CNTN4: variants seen among roughly 807,000 people sequenced by gnomAD.
The protein encoded by CNTN4 is contactin 4.
In CNTN4, 77 loss-of-function variants were observed where a neutral mutation model predicts 122.5. The observed-to-expected ratio is 0.63, with a 90% CI of 0.52 to 0.76. The LOEUF is 0.76. Among genes scored for constraint, CNTN4 ranks in the 30% least tolerant of loss-of-function variants. The pLI is 0.00. For synonymous variants in CNTN4, 512 were observed against 447.0 expected, an observed-to-expected ratio of 1.15 and a Z score of -1.83; for missense variants, 1,256 against 1,259.1, an observed-to-expected ratio of 1.00 and a Z score of 0.04.
At chr3:2,594,270 C>T (rs1195158330) in intron 4 of CNTN4, among the ~76,000 whole-genome samples, 1 of 152,010 alleles carries the variant, frequency 6.6e-6, no homozygotes, top group Non-Finnish European at 1.5e-5. Context: ...ATTAAGATCC[C>T]TTGAGGCCAA....
chr3:2,775,930 C>T (rs1181577929), intron 6 of CNTN4, among the ~76,000 whole-genome samples: 1 of 152,182 alleles, frequency 6.6e-6, no homozygotes, highest in East Asian at 1.9e-4. Context: ...ATGCAGTTAA[C>T]ATATATTTGT....
chr3:2,548,658 G>T (rs1304531453), intron 3 of CNTN4, among the ~76,000 whole-genome samples: 2 of 152,042 alleles, frequency 1.3e-5, no homozygotes, highest in Non-Finnish European at 2.9e-5. Context: ...GGTTATATGG[G>T]CTCTTTTTTT....
At chr3:2,573,101 G>A (rs1175932646) in intron 4 of CNTN4, among the ~76,000 whole-genome samples, 1 of 152,178 alleles carries the variant, frequency 6.6e-6, no homozygotes, top group African/African-American at 2.4e-5. Flanking sequence ...GAGCTAAGAT[G>A]TAAACCGAAG....
chr3:2,438,502 A>G (rs1433578903), intron 3 of CNTN4, among the ~76,000 whole-genome samples: 3 of 152,210 alleles, frequency 2.0e-5, no homozygotes, highest in Non-Finnish European at 4.4e-5. Flanking sequence ...AGCCCAGGTG[A>G]AAGAGTGAGA....
At chr3:2,212,210 A>G (rs889773899) in intron 2 of CNTN4, among the ~76,000 whole-genome samples, 3 of 152,022 alleles carry the variant, frequency 2.0e-5, no homozygotes, top group African/African-American at 7.2e-5. Flanking sequence ...CCTAACCTCA[A>G]GTAATCCTCC....
At chr3:2,159,866 C>A (rs2035884537) in intron 2 of CNTN4, among the ~76,000 whole-genome samples, 8 of 151,342 alleles carry the variant, frequency 5.3e-5, no homozygotes, top group Admixed American at 5.3e-4. Flanking sequence ...CTTTAACAAA[C>A]CTTGCCCTCA....
In CNTN4 at chr3:2,916,312, C is replaced by G. The variant is rs1049929549; in HGVS notation, c.1208-9317C>G. 4.6e-5 allele frequency among the ~76,000 whole-genome samples: 7 copies of G among 150,880 alleles called. No individual in the cohort carries two copies. The South Asian group carries it at 1.1e-3, about 23-fold the overall frequency. On this transcript the variant is annotated intron_variant, in intron 12 of 24. Coordinates refer to ENST00000418658, the MANE Select transcript of CNTN4 (RefSeq NM_175607.3). ...GAAGGTCAGCAGATAAACAAGTGAA[C>G]AAGGGTCTCTGGTTTTCCTAGGCAG...
chr3:2,338,707 A>G (rs1164527302), intron 2 of CNTN4, among the ~76,000 whole-genome samples: 1 of 152,144 alleles, frequency 6.6e-6, no homozygotes, highest in African/African-American at 2.4e-5. Context: ...TAGCTTTAAG[A>G]GAATGTACAA....
At chr3:2,632,962 T>A (rs1343303926) in intron 4 of CNTN4, among the ~76,000 whole-genome samples, 1 of 149,076 alleles carries the variant, frequency 6.7e-6, no homozygotes, top group African/African-American at 2.4e-5. Flanking sequence ...TAATAGTATA[T>A]ATAATTTATA....
intron 13 of CNTN4, among the ~76,000 whole-genome samples, chr3:2,943,101 G>T (rs142111678): frequency 2.0e-5 from 3 of 152,130 alleles, no homozygotes; most frequent in Non-Finnish European, 4.4e-5. Context: ...AAAGAGAAAC[G>T]TGAGGGCAAA....
chr3:2,307,807 A>G (rs970331458), intron 2 of CNTN4, among the ~76,000 whole-genome samples: 3 of 76,024 alleles, frequency 3.9e-5, no homozygotes, highest in African/African-American at 9.8e-5. Flanking sequence ...TGTTGTGGTC[A>G]TAATTCTTTT....
chr3:3,040,942 AT>A (rs1360922913), intron 20 of CNTN4: 3 of 146,470 alleles, frequency 2.0e-5, no homozygotes, highest in East Asian at 2.0e-4. Context: ...AAAAAAAAAA[AT>A]CTCACTTATT....
At chr3:2,759,313 G>A (rs1287270182) in intron 6 of CNTN4, among the ~76,000 whole-genome samples, 6 of 151,930 alleles carry the variant, frequency 3.9e-5, no homozygotes, top group Admixed American at 6.6e-5. Flanking sequence ...CTGCCACCAC[G>A]CCCGGCTAAT....
intron 14 of CNTN4, among the ~76,000 whole-genome samples, chr3:2,994,885 G>A (rs971999729): frequency 4.6e-5 from 7 of 151,986 alleles, no homozygotes; most frequent in South Asian, 2.1e-4. Context: ...ATACAATGAC[G>A]GTTGGCTGCT....
chr3:2,882,480 C>T lies in CNTN4; in HGVS notation c.653-665C>T, dbSNP rs188622797. 2.4e-4 allele frequency among the ~76,000 whole-genome samples: 36 copies of T among 152,196 alleles called. No individual in the cohort carries two copies. The South Asian group carries it at 3.3e-3, about 14-fold the overall frequency. On this transcript the variant is annotated intron_variant, in intron 8 of 24. Coordinates refer to ENST00000418658, the MANE Select transcript of CNTN4 (RefSeq NM_175607.3). ...TGGGCATAATTGTAGAGTCATTTTC[C>T]GGGATATAGGAAAAGTGGGAGAATA...
intron 3 of CNTN4, among the ~76,000 whole-genome samples, chr3:2,488,573 T>C (rs2076229055): frequency 6.6e-6 from 1 of 152,160 alleles, no homozygotes; most frequent in South Asian, 2.1e-4. Flanking sequence ...ACTGGGTAAA[T>C]CATTTGTTTT....
At chr3:2,644,323 T>C (rs2083023454) in intron 4 of CNTN4, among the ~76,000 whole-genome samples, 1 of 152,212 alleles carries the variant, frequency 6.6e-6, no homozygotes, top group Non-Finnish European at 1.5e-5. Context: ...CATAATAAAG[T>C]AGAAGAAACA....
At chr3:2,434,616 G>T (rs574565366) in intron 3 of CNTN4, among the ~76,000 whole-genome samples, 1 of 152,246 alleles carries the variant, frequency 6.6e-6, no homozygotes, top group East Asian at 1.9e-4. Flanking sequence ...TGGAATCATT[G>T]AATCTTAGGT....
chr3:2,745,360 T>G (rs1427095448), intron 5 of CNTN4, among the ~76,000 whole-genome samples, 162 bp from the exon 6 acceptor site: 1 of 152,246 alleles, frequency 6.6e-6, no homozygotes, highest in Non-Finnish European at 1.5e-5. Context: ...GCACTTAAGA[T>G]GTCACCATTG....
Sources: gnomAD v4.1 joint callset for allele counts (sites outside exome capture counted in the v4.1 genomes callset) on GRCh38, gnomAD v4.1.1 for gene constraint, MANE v1.5 for transcripts, NCBI Gene and HGNC (gene_info 2026-07-23, HGNC 2026-07-21) for gene names.